STRAP: variants seen among roughly 807,000 people sequenced by gnomAD.
STRAP encodes serine-threonine kinase receptor-associated protein.
In STRAP, 16 loss-of-function variants were observed where a neutral mutation model predicts 47.0. That is an observed-to-expected ratio of 0.34 (90% CI 0.23 to 0.52). The LOEUF is 0.52. STRAP is among the 20% of genes least tolerant of loss of function. The pLI is 0.96. For synonymous variants in STRAP, 130 were observed against 142.7 expected (o/e 0.91, Z 0.63); for missense variants, 293 against 420.0 (o/e 0.70, Z 2.64).
At position 15,882,985 on chromosome 12, in the gene STRAP, G is replaced by C. The variant is rs990140777; in HGVS notation, c.112+166G>C. On this transcript the variant is annotated intron_variant, in intron 1 of 9. Transcript: ENST00000419869. ...GTCCGGTGGAGAAAGGAGTGTGTTA[G>C]GGAATCCGCAGCTGGAGCCGAGAGG... 66 of 1,426,036 alleles carry C rather than the reference G, an allele frequency of 4.6e-5. No individual in the cohort carries two copies. The African/African-American group carries it at 8.1e-4, about 17-fold the overall frequency. 88.3% of individuals were successfully genotyped at this position (1,426,036 alleles called of 1,614,324 possible).
rs1039595594 is a variant in STRAP at position 15,890,927 on chromosome 12, G to A, written c.403+258G>A. On this transcript the variant is annotated intron_variant, in intron 4 of 9. Coordinates refer to ENST00000419869, the MANE Select transcript of STRAP (RefSeq NM_007178.4). The surrounding 1 kb of genome is among the most constrained non-coding windows in gnomAD (Gnocchi z 4.5). ...ATAGAAAAATTAGCCAGGCATGGTGGCAGGCGCTTGTAATCCCAGCTACTT... is the reference window on the plus strand; with the variant it reads ...ATAGAAAAATTAGCCAGGCATGGTGACAGGCGCTTGTAATCCCAGCTACTT... Among the ~76,000 whole-genome samples the A allele has an allele frequency of 1.4e-4, 22 of 152,206 alleles. No individual in the cohort carries two copies. The highest frequency in any genetic ancestry group is 6.8e-3 in the Middle Eastern group (2 of 294).
At chr12:15,886,118 A>G (rs1353430864) in intron 2 of STRAP, among the ~76,000 whole-genome samples, 1 of 152,156 alleles carries the variant, frequency 6.6e-6, no homozygotes, top group Non-Finnish European at 1.5e-5. Flanking sequence ...AGTGGAAAAT[A>G]ATAACAAGCA....
rs746377298 is a variant in STRAP, at chr12:15,890,048, C to A, written c.330+39C>A. 5.5e-5 allele frequency: 86 copies of A among 1,556,738 alleles called. No homozygotes were observed. The highest frequency in any genetic ancestry group is 7.6e-5 in the Non-Finnish European group (86 of 1,128,438). On this transcript the variant is annotated intron_variant, in intron 3 of 9. Coordinates refer to ENST00000419869, the MANE Select transcript of STRAP (RefSeq NM_007178.4). The surrounding 1 kb of genome is among the most constrained non-coding windows in gnomAD (Gnocchi z 4.5). ...GAATTTATTTTAGCGAGTTAAGTTG[C>A]TGGTACATAGTGTGATAATGCTTTT...
chr12:15,896,894 G>C lies in STRAP; in HGVS notation c.639-988G>C, dbSNP rs1948064186. Among the ~76,000 whole-genome samples, 1 of 152,152 alleles carries C rather than the reference G, an allele frequency of 6.6e-6. No homozygotes were observed. The highest frequency in any genetic ancestry group is 2.4e-5 in the African/African-American group (1 of 41,418). ...CAGTGTCTTAACCTTGTGTCTAAAG[G>C]GCTAACTGGGAGAAAGAAAAGGCGG... On this transcript the variant is annotated intron_variant, in intron 6 of 9. Transcript: ENST00000419869. The surrounding 1 kb of genome is among the most constrained non-coding windows in gnomAD (Gnocchi z 4.1).
chr12:15,902,337 T>A (rs1347137463), intron 9 of STRAP, among the ~76,000 whole-genome samples: 1 of 152,166 alleles, frequency 6.6e-6, no homozygotes, highest in East Asian at 1.9e-4. Flanking sequence ...GTTGAGAGTC[T>A]TTTGTTAGAC....
Position 15,890,526 on chromosome 12 carries a change from G to T in STRAP, c.331-71G>T. ...TGTGAGCTAGATTTTGATTTTATTT[G>T]GTGTTGAAATTTGAAAGAGAAATAA... On this transcript the variant is annotated intron_variant, in intron 3 of 9. Transcript: ENST00000419869. The surrounding 1 kb of genome is among the most constrained non-coding windows in gnomAD (Gnocchi z 4.5). The T allele has an allele frequency of 8.1e-7, 1 of 1,238,526 alleles. No homozygotes were observed. Among genetic ancestry groups the T allele is most frequent in the Non-Finnish European group, 1.2e-6 (1 of 855,306 alleles). 76.7% of individuals were successfully genotyped at this position (1,238,526 alleles called of 1,614,324 possible).
chr12:15,903,103 T>A lies in STRAP; in HGVS notation c.*125T>A. The A allele has an allele frequency of 2.8e-6, 3 of 1,072,652 alleles. No homozygotes were observed. The highest frequency in any genetic ancestry group is 3.8e-6 in the Non-Finnish European group (3 of 784,766). 66.4% of individuals were successfully genotyped at this position (1,072,652 alleles called of 1,614,324 possible). ...GCAGTAAATAATGAGGAAAATGAAT[T>A]AGCTCCAGTGCTGGAACAACTAACT... On this transcript the variant is annotated 3_prime_UTR_variant, in exon 10 of 10. Transcript: ENST00000419869.
chr12:15,884,601 G>C (rs1488797546), intron 2 of STRAP, among the ~76,000 whole-genome samples: 1 of 150,828 alleles, frequency 6.6e-6, no homozygotes. Flanking sequence ...TATACAGACA[G>C]TATCTAGCTA....
At chr12:15,888,970 C>T (rs1947993625) in intron 2 of STRAP, among the ~76,000 whole-genome samples, 1 of 151,954 alleles carries the variant, frequency 6.6e-6, no homozygotes, top group African/African-American at 2.4e-5. Flanking sequence ...ATTTTATTGC[C>T]CACTGTGTTC....
intron 8 of STRAP, 169 bp from the exon 9 acceptor site, chr12:15,900,774 TAAAG>T (rs1341499409): frequency 5.7e-5 from 26 of 456,666 alleles, no homozygotes; most frequent in African/African-American, 4.0e-4. Context: ...AAAGTAATTT[TAAAG>T]AAAGACATAC....
At chr12:15,901,152 G>A in intron 9 of STRAP, 140 bp downstream of exon 9, 2 of 540,222 alleles carry the variant, frequency 3.7e-6, no homozygotes, top group Non-Finnish European at 6.0e-6. Context: ...ATTTATGCAT[G>A]TATATATACA....
chr12:15,898,081 A>G (rs1329382734), intron 7 of STRAP, 63 bp downstream of exon 7: 2 of 1,418,840 alleles, frequency 1.4e-6, no homozygotes, highest in Non-Finnish European at 9.5e-7. Context: ...AGTAATTAAC[A>G]CCTCATTTAT....
rs1948097722 is a variant in STRAP, at chr12:15,900,896, A to G, written c.926-51A>G. ...TCTTCTTGCTTATTGAACACTGGAAATTACTTTAATAGTGTAAGTCATATA... is the reference window on the plus strand; with the variant it reads ...TCTTCTTGCTTATTGAACACTGGAAGTTACTTTAATAGTGTAAGTCATATA... On this transcript the variant is annotated intron_variant, in intron 8 of 9. Coordinates refer to ENST00000419869, the MANE Select transcript of STRAP (RefSeq NM_007178.4). The G allele has an allele frequency of 5.7e-6, 8 of 1,415,688 alleles. No homozygotes were observed. The East Asian group carries it at 2.1e-4, about 37-fold the overall frequency. The allele number at this position is 1,415,688 out of a possible 1,614,324, so 87.7% of individuals were successfully genotyped here.
intron 9 of STRAP, among the ~76,000 whole-genome samples, chr12:15,902,486 A>T (rs924486005): frequency 3.3e-5 from 5 of 152,162 alleles, no homozygotes; most frequent in African/African-American, 1.2e-4. Context: ...TTTTCCTTAA[A>T]TTTTTTATTG....
intron 4 of STRAP, among the ~76,000 whole-genome samples, chr12:15,891,418 T>G (rs16911395): frequency 0.067 from 10,133 of 152,236 alleles, 1,082 homozygotes; most frequent in African/African-American, 0.22. Flanking sequence ...GTTTTTTCAT[T>G]TCACTAAATA....
At chr12:15,899,573 T>G (rs1948086554) in intron 7 of STRAP, among the ~76,000 whole-genome samples, 1 of 152,236 alleles carries the variant, frequency 6.6e-6, no homozygotes. Flanking sequence ...GAGGTTGAAC[T>G]GGTAAGACTT....
Position 15,882,493 on chromosome 12 carries a change from C to G in STRAP, c.-215C>G. On this transcript the variant is annotated 5_prime_UTR_variant, in exon 1 of 10. Coordinates refer to ENST00000419869, the MANE Select transcript of STRAP (RefSeq NM_007178.4). Reference sequence around the variant, plus strand: ...TTCCTCCCTCCCTCCCTTTCCCTCCCTCGTCGACTGTTGCTTGCTGGTCGC... The same window carrying G: ...TTCCTCCCTCCCTCCCTTTCCCTCCGTCGTCGACTGTTGCTTGCTGGTCGC... 1.8e-6 allele frequency: 1 copy of G among 569,072 alleles called. No homozygotes were observed. The allele number at this position is 569,072 out of a possible 1,614,324, so 35.3% of individuals were successfully genotyped here.
chr12:15,889,260 G>T (rs572329852), intron 2 of STRAP, among the ~76,000 whole-genome samples: 1 of 152,190 alleles, frequency 6.6e-6, no homozygotes, highest in African/African-American at 2.4e-5. Context: ...ATTTTGGGGT[G>T]GGGTGGGACA....
Position 15,896,940 on chromosome 12 carries a change from T to A in STRAP, c.639-942T>A, listed in dbSNP as rs1948064609. On this transcript the variant is annotated intron_variant, in intron 6 of 9. Coordinates refer to ENST00000419869, the MANE Select transcript of STRAP (RefSeq NM_007178.4). This position sits in a 1 kb window ranked among gnomAD's most constrained non-coding sequence, Gnocchi z 4.1. ...GGCGGTAAAATTGGAGGAGAGCAAT[T>A]AAGCAATGTCAAGGAGTTTATACAC... 6.6e-6 allele frequency among the ~76,000 whole-genome samples: 1 copy of A among 152,216 alleles called. No individual in the cohort carries two copies. The highest frequency in any genetic ancestry group is 1.5e-5 in the Non-Finnish European group (1 of 68,040).
Sources: gnomAD v4.1 joint callset for allele counts (sites outside exome capture counted in the v4.1 genomes callset) on GRCh38, gnomAD v4.1.1 for gene constraint, Gnocchi (gnomAD v3.1) non-coding constraint, MANE v1.5 for transcripts, NCBI Gene and HGNC (gene_info 2026-07-23, HGNC 2026-07-21) for gene names.